The following DRC8 variants were observed in gnomAD, a reference collection of about 807,000 sequenced individuals.
DRC8 encodes the protein dynein regulatory complex protein 8.
At chr1:245,059,128 A>G in the DRC8 span, among the ~76,000 whole-genome samples, 1 of 152,236 alleles carries the variant, frequency 6.6e-6, no homozygotes, top group Admixed American at 6.5e-5. Context: ...TACATGGCCA[A>G]TGTTTCTTTT....
At chr1:245,093,675 G>A in the DRC8 span, among the ~76,000 whole-genome samples, 2 of 143,800 alleles carry the variant, frequency 1.4e-5, no homozygotes, top group African/African-American at 2.6e-5. Flanking sequence ...CAGCCTGGGC[G>A]ACAGAGCAAG....
chr1:245,081,418 C>A, the DRC8 span, among the ~76,000 whole-genome samples: 1 of 152,024 alleles, frequency 6.6e-6, no homozygotes, highest in East Asian at 1.9e-4. Context: ...ACCTCGGCCT[C>A]CCAAAGTTCT....
the DRC8 span, chr1:245,002,038 G>T: frequency 7.1e-6 from 8 of 1,125,720 alleles, no homozygotes; most frequent in African/African-American, 1.2e-4. Context: ...TACCAGGGAT[G>T]ATTTATTTTT....
the DRC8 span, among the ~76,000 whole-genome samples, chr1:244,980,830 TC>T: frequency 6.6e-6 from 1 of 152,202 alleles, no homozygotes; most frequent in African/African-American, 2.4e-5. Context: ...AATGTATTCC[TC>T]TGTAAGTGGT....
the DRC8 span, chr1:245,086,643 C>T: frequency 0.027 from 13,183 of 487,946 alleles, 268 homozygotes; most frequent in Non-Finnish European, 0.042. Flanking sequence ...TAAACAAACA[C>T]TTGCATGTTG....
chr1:245,082,868 C>G, the DRC8 span, among the ~76,000 whole-genome samples: 1 of 152,098 alleles, frequency 6.6e-6, no homozygotes, highest in East Asian at 1.9e-4. Flanking sequence ...GCCACCATGC[C>G]TGGCTAATTT....
At chr1:245,074,051 G>T in the DRC8 span, among the ~76,000 whole-genome samples, 1 of 152,136 alleles carries the variant, frequency 6.6e-6, no homozygotes. Flanking sequence ...TTAAATTAAC[G>T]TCGTTACATA....
chr1:245,035,498 T>A, the DRC8 span, among the ~76,000 whole-genome samples: 12 of 152,266 alleles, frequency 7.9e-5, no homozygotes, highest in Admixed American at 3.3e-4. Flanking sequence ...CACATGATGC[T>A]AGGATGACTG....
chr1:245,030,950 T>G, the DRC8 span: 1 of 152,310 alleles, frequency 6.6e-6, no homozygotes, highest in Non-Finnish European at 1.5e-5. Flanking sequence ...CTTATTTTGG[T>G]TAAGTAGCCA....
the DRC8 span, among the ~76,000 whole-genome samples, chr1:245,018,410 C>G: frequency 6.6e-6 from 1 of 152,098 alleles, no homozygotes; most frequent in Non-Finnish European, 1.5e-5. Flanking sequence ...CCAGTGCCAT[C>G]AGAGCTGCAG....
the DRC8 span, among the ~76,000 whole-genome samples, chr1:245,018,769 C>T: frequency 2.0e-5 from 3 of 152,118 alleles, no homozygotes; most frequent in Admixed American, 6.5e-5. Flanking sequence ...TAACACACTA[C>T]GTGTAGTTGG....
At chr1:244,976,572 A>G in the DRC8 span, among the ~76,000 whole-genome samples, 1 of 152,248 alleles carries the variant, frequency 6.6e-6, no homozygotes, top group South Asian at 2.1e-4. Context: ...TTTAAAGATC[A>G]AATGGACAGT....
the DRC8 span, among the ~76,000 whole-genome samples, chr1:245,000,708 G>A: frequency 1.3e-5 from 2 of 151,776 alleles, no homozygotes; most frequent in Non-Finnish European, 2.9e-5. Context: ...GTGAACCCTG[G>A]AGGCGGAGCT....
At chr1:244,970,074 G>A in the DRC8 span, 1 of 652,894 alleles carries the variant, frequency 1.5e-6, no homozygotes, top group Non-Finnish European at 2.7e-6. Context: ...TCCCCAAATG[G>A]ATGAGAAATA....
chr1:245,109,512 G>T, the DRC8 span, among the ~76,000 whole-genome samples: 1 of 152,186 alleles, frequency 6.6e-6, no homozygotes, highest in African/African-American at 2.4e-5. Flanking sequence ...ATGCCGGTAC[G>T]CCTGGGTGTG....
chr1:245,017,468 G>T, the DRC8 span: 1 of 868,058 alleles, frequency 1.2e-6, no homozygotes, highest in Non-Finnish European at 1.7e-6. Context: ...CTCCGTAAAA[G>T]GTCTTTGCTA....
At chr1:245,052,512 C>T in the DRC8 span, among the ~76,000 whole-genome samples, 1 of 152,182 alleles carries the variant, frequency 6.6e-6, no homozygotes, top group Non-Finnish European at 1.5e-5. Context: ...AAAGAATAAG[C>T]CGTGGTTGAT....
At chr1:245,028,747 A>G in the DRC8 span, among the ~76,000 whole-genome samples, 1 of 152,254 alleles carries the variant, frequency 6.6e-6, no homozygotes, top group African/African-American at 2.4e-5. Flanking sequence ...AAATCCAAAG[A>G]GAATAAAATT....
chr1:245,102,928 G>A, the DRC8 span, among the ~76,000 whole-genome samples: 2 of 127,576 alleles, frequency 1.6e-5, no homozygotes, highest in African/African-American at 7.6e-5. Context: ...TGGTCAGGAG[G>A]GGGGACCAGA....
Sources: allele counts gnomAD v4.1 joint callset (sites outside exome capture counted in the v4.1 genomes callset), GRCh38; gene constraint gnomAD v4.1.1; transcripts MANE v1.5; gene names NCBI Gene and HGNC (gene_info 2026-07-23, HGNC 2026-07-21).